ZNF438: variants seen among roughly 807,000 people sequenced by gnomAD.
ZNF438 encodes zinc finger protein 438.
Under a neutral mutation model 38.0 loss-of-function variants are expected in ZNF438, and 25 were observed. That is an observed-to-expected ratio of 0.66 (90% CI 0.48 to 0.92). The LOEUF (loss-of-function observed/expected upper bound fraction) is 0.92. Among genes scored for constraint, ZNF438 ranks in the 40% least tolerant of loss-of-function variants. The pLI is 0.00. For synonymous variants in ZNF438, 372 were observed against 364.1 expected (o/e 1.02, Z -0.25); for missense variants, 1,007 against 999.6 (o/e 1.01, Z -0.10).
chr10:30,977,219 C>T (rs548282374), intron 1 of ZNF438, among the ~76,000 whole-genome samples: 2 of 152,202 alleles, frequency 1.3e-5, no homozygotes, highest in East Asian at 3.9e-4. Context: ...GAATACCATA[C>T]CAATATATAG....
chr10:30,977,831 A>C (rs1383192338), intron 1 of ZNF438, among the ~76,000 whole-genome samples: 1 of 152,026 alleles, frequency 6.6e-6, no homozygotes, highest in East Asian at 1.9e-4. Context: ...AAAAATACAA[A>C]AACTAGCCGG....
intron 1 of ZNF438, among the ~76,000 whole-genome samples, chr10:30,978,207 G>A (rs1433621872): frequency 2.0e-5 from 3 of 152,232 alleles, no homozygotes; most frequent in Non-Finnish European, 2.9e-5. Flanking sequence ...AATTCATTCC[G>A]AGGATTCCAA....
intron 1 of ZNF438, among the ~76,000 whole-genome samples, chr10:31,018,985 C>T (rs1045586882): frequency 6.6e-6 from 1 of 152,162 alleles, no homozygotes; most frequent in Non-Finnish European, 1.5e-5. Flanking sequence ...CAAAGTCATA[C>T]TTATTGGCAG....
chr10:30,948,522 T>A (rs2047734702), intron 1 of ZNF438, among the ~76,000 whole-genome samples: 1 of 151,878 alleles, frequency 6.6e-6, no homozygotes. Context: ...GACGAACGTA[T>A]AACTAGAATA....
chr10:30,876,324 A>C (rs2038409402), intron 4 of ZNF438, among the ~76,000 whole-genome samples: 1 of 152,116 alleles, frequency 6.6e-6, no homozygotes, highest in Non-Finnish European at 1.5e-5. Context: ...GGAAGAGACT[A>C]GATGGGGCAG....
chr10:30,850,869 A>G (rs997305918), intron 4 of ZNF438, among the ~76,000 whole-genome samples: 9 of 152,210 alleles, frequency 5.9e-5, no homozygotes, highest in Non-Finnish European at 1.2e-4. Flanking sequence ...TATCCTTTGT[A>G]TAAAACAAGC....
intron 4 of ZNF438, among the ~76,000 whole-genome samples, chr10:30,861,393 C>A (rs1225696727): frequency 6.6e-6 from 1 of 151,938 alleles, no homozygotes; most frequent in African/African-American, 2.4e-5. Flanking sequence ...TCCATGGATG[C>A]AGAACCCACA....
intron 1 of ZNF438, among the ~76,000 whole-genome samples, chr10:30,979,113 G>A (rs867827659): frequency 6.6e-6 from 1 of 152,192 alleles, no homozygotes. Flanking sequence ...CCACTGTTGA[G>A]AGTCACTGTT....
At chr10:30,853,662 C>T (rs2034099807) in intron 4 of ZNF438, among the ~76,000 whole-genome samples, 1 of 152,238 alleles carries the variant, frequency 6.6e-6, no homozygotes, top group African/African-American at 2.4e-5. Flanking sequence ...CCATTGTGAA[C>T]TCCCTGCTCC....
intron 3 of ZNF438, among the ~76,000 whole-genome samples, chr10:30,907,876 T>C (rs533822241): frequency 7.9e-5 from 12 of 152,136 alleles, no homozygotes; most frequent in African/African-American, 1.7e-4. Flanking sequence ...TTAGGTTTAG[T>C]TTGCTCTTCT....
intron 4 of ZNF438, among the ~76,000 whole-genome samples, chr10:30,858,691 T>C (rs892949614): frequency 3.9e-4 from 60 of 152,224 alleles, no homozygotes; most frequent in Admixed American, 1.6e-3. Flanking sequence ...TCAGGAAATT[T>C]GAGACAATGC....
chr10:31,001,335 T>C (rs1046005074), intron 1 of ZNF438, among the ~76,000 whole-genome samples: 1 of 152,224 alleles, frequency 6.6e-6, no homozygotes, highest in African/African-American at 2.4e-5. Flanking sequence ...TTTCAAGTTA[T>C]ATGCACCCAG....
intron 3 of ZNF438, among the ~76,000 whole-genome samples, chr10:30,891,147 A>G (rs1462412541): frequency 6.6e-6 from 1 of 152,176 alleles, no homozygotes; most frequent in African/African-American, 2.4e-5. Context: ...TCTTAATCAG[A>G]AAATTTGTGC....
At chr10:30,975,660 G>A (rs1298076232) in intron 1 of ZNF438, among the ~76,000 whole-genome samples, 4 of 152,046 alleles carry the variant, frequency 2.6e-5, no homozygotes, top group African/African-American at 9.7e-5. Context: ...AGTCTAATGA[G>A]CAAAGAAATA....
At chr10:30,882,319 A>G (rs1007384971) in intron 3 of ZNF438, among the ~76,000 whole-genome samples, 50 of 152,230 alleles carry the variant, frequency 3.3e-4, no homozygotes, top group African/African-American at 1.1e-3. Flanking sequence ...GGTTATTAAG[A>G]AAAGATACAC....
intron 4 of ZNF438, among the ~76,000 whole-genome samples, chr10:30,863,667 C>A (rs1397866843): frequency 3.9e-5 from 6 of 152,180 alleles, no homozygotes; most frequent in Non-Finnish European, 8.8e-5. Context: ...GATGACACAG[C>A]CCACTGCTTC....
rs61113599 is a variant in ZNF438, at chr10:30,990,529, T to C, written c.-192+41304A>G. ...GGTTTGGGCATAGGACCCAGTAATC[T>C]GCATTTTATTATTACAAGCCCACCA... On this transcript the variant is annotated intron_variant, in intron 1 of 5. Transcript: ENST00000413025. 6.2e-3 allele frequency among the ~76,000 whole-genome samples: 943 copies of C among 152,302 alleles called. 14 individuals carry two copies. The highest frequency in any genetic ancestry group is 0.021 in the African/African-American group (874 of 41,558).
intron 4 of ZNF438, among the ~76,000 whole-genome samples, chr10:30,866,591 T>C (rs2036464817): frequency 6.6e-6 from 1 of 152,118 alleles, no homozygotes; most frequent in Admixed American, 6.5e-5. Flanking sequence ...TCCCAGCACT[T>C]TGGGAGGCCA....
intron 3 of ZNF438, among the ~76,000 whole-genome samples, chr10:30,898,628 G>T (rs2041639864): frequency 6.6e-6 from 1 of 151,896 alleles, no homozygotes; most frequent in South Asian, 2.1e-4. Flanking sequence ...GTTCTAAAAG[G>T]GGGGGAACGC....
Sources: allele counts gnomAD v4.1 joint callset (sites outside exome capture counted in the v4.1 genomes callset), GRCh38; gene constraint gnomAD v4.1.1; transcripts MANE v1.5; gene names NCBI Gene and HGNC (gene_info 2026-07-23, HGNC 2026-07-21).